The following DSG1 variants were observed in gnomAD, a reference collection of about 807,000 sequenced individuals.
DSG1 encodes the protein desmoglein 1.
DSG1 carries 39 observed loss-of-function variants against 97.5 expected under a neutral mutation model. The observed-to-expected ratio is 0.40, with a 90% CI of 0.31 to 0.52. DSG1 has a LOEUF of 0.52. DSG1 is among the 20% of genes least tolerant of loss of function. The probability of loss-of-function intolerance (pLI) is 0.53; values close to 1 mark genes in which losing one functional copy is unlikely to be tolerated. For synonymous variants in DSG1, 475 were observed against 443.4 expected (o/e 1.07, Z -0.90); for missense variants, 1,311 against 1,295.4 (o/e 1.01, Z -0.18).
In DSG1 at chr18:31,327,579, T is replaced by G. The variant is rs182514002; in HGVS notation, c.216+574T>G. On this transcript the variant is annotated intron_variant, in intron 3 of 14. Transcript: ENST00000257192. ...CTCACAAATACTCCCCACTAGGATT[T>G]GTTTACAGCCAAACAATATTTTATT... is the stretch of plus-strand genomic sequence containing the variant. 2.0e-5 allele frequency among the ~76,000 whole-genome samples: 3 copies of G among 152,286 alleles called. No homozygotes were observed. In the East Asian group the frequency reaches 5.8e-4, roughly 29 times the overall value.
In DSG1 at chr18:31,329,171, T is replaced by A. The variant is rs149323890; in HGVS notation, c.373-721T>A. On this transcript the variant is annotated intron_variant, in intron 4 of 14. Transcript: ENST00000257192. ...CTATAATTGCCACTTACTTGGAGAA[T>A]CATTCCATCACCTCTGTTTTCTGTC... 2.0e-5 allele frequency among the ~76,000 whole-genome samples: 3 copies of A among 152,260 alleles called. No homozygotes were observed. In the East Asian group the frequency reaches 5.8e-4, roughly 29 times the overall value.
At chr18:31,328,441 A>G (rs2071700220) in intron 4 of DSG1, 97 bp downstream of exon 4, 2 of 1,311,094 alleles carry the variant, frequency 1.5e-6, no homozygotes, top group Non-Finnish European at 2.2e-6. Context: ...AAGAGTCTCA[A>G]TATTTGGCAT....
rs765775679 is a variant in DSG1, at chr18:31,355,370, A to G, written c.*24A>G. On this transcript the variant is annotated 3_prime_UTR_variant, in exon 15 of 15. Coordinates refer to ENST00000257192, the MANE Select transcript of DSG1 (RefSeq NM_001942.4). ...AGTCAGGACCCCAGCTCACTTTTTC[A>G]TAGTCATTGTGGTTTAGATCCAATT... is the stretch of plus-strand genomic sequence containing the variant. 6.8e-6 allele frequency: 11 copies of G among 1,609,734 alleles called. No homozygotes were observed. Among genetic ancestry groups the G allele is most frequent in the South Asian group, 4.4e-5 (4 of 90,846 alleles).
At chr18:31,337,414 G>A (rs2071762915) in intron 9 of DSG1, among the ~76,000 whole-genome samples, 1 of 151,922 alleles carries the variant, frequency 6.6e-6, no homozygotes, top group Admixed American at 6.6e-5. Flanking sequence ...CTGCTACCAC[G>A]CCCAGCTATT....
In DSG1 at chr18:31,326,117, C is replaced by T. The variant is rs190335859; in HGVS notation, c.49-464C>T. Reference sequence around the variant, plus strand: ...TTATTTTCTGAATTATCTATTGTGGCAATTTTTTTAAAGTAGATACTTAGA... The same window carrying T: ...TTATTTTCTGAATTATCTATTGTGGTAATTTTTTTAAAGTAGATACTTAGA... On this transcript the variant is annotated intron_variant, in intron 1 of 14. Transcript: ENST00000257192. Among the ~76,000 whole-genome samples, 202 of 151,830 alleles carry T rather than the reference C, an allele frequency of 1.3e-3. 2 individuals carry two copies. Among genetic ancestry groups the T allele is most frequent in the African/African-American group, 4.5e-3 (188 of 41,480 alleles).
Position 31,354,982 on chromosome 18 carries a change from C to A in DSG1, c.2786C>A (p.Pro929Gln). ...NVVVTERVIQ[P>Q]TSGMIGSLSM... ...GTAGTGACAGAAAGAGTAATCCAAC[C>A]AACTTCCGGCATGATAGGTAGTCTG... Residue 929 changes from proline (P) to glutamine (Q), a missense_variant, in exon 15 of 15, where the codon CCA (proline) becomes CAA (glutamine). This residue lies in a region of DSG1 where 1,038 missense variants were observed against 964.6 expected (regional missense o/e 1.08). Transcript: ENST00000257192. 6.2e-7 allele frequency: 1 copy of A among 1,614,188 alleles called. No individual in the cohort carries two copies. The highest frequency in any genetic ancestry group is 8.5e-7 in the Non-Finnish European group (1 of 1,180,032).
intron 14 of DSG1, among the ~76,000 whole-genome samples, chr18:31,348,465 C>A (rs1273381746): frequency 1.3e-5 from 2 of 151,080 alleles, no homozygotes; most frequent in Admixed American, 6.6e-5. Context: ...ATGATTTATT[C>A]TCCTTTGGGT....
chr18:31,351,010 G>T (rs1224989255), intron 14 of DSG1, among the ~76,000 whole-genome samples: 2 of 149,804 alleles, frequency 1.3e-5, no homozygotes, highest in African/African-American at 5.1e-5. Context: ...CCTTCTGCTA[G>T]CTTTTGAATG....
chr18:31,350,892 A>C (rs1307263998), intron 14 of DSG1, among the ~76,000 whole-genome samples: 1 of 150,286 alleles, frequency 6.7e-6, no homozygotes. Flanking sequence ...GCAGTCTATC[A>C]ATTTTGTTGA....
rs759219015 is a variant in DSG1 at position 31,343,934 on chromosome 18, C to G, written c.1830C>G (p.Thr610=). ...TGTTTCCTGTCTTTTAGGATATAAC[C>G]ACTGTCATACCACAAATACCACCTG... ...EGPQPEPRDI[T]TVIPQIPPDN... is the part of the protein sequence containing the mutation. The change falls in exon 13 of 15, where the codon ACC becomes ACG. Residue 610 remains threonine (T), a synonymous_variant. Coordinates refer to ENST00000257192, the MANE Select transcript of DSG1 (RefSeq NM_001942.4). 1.5e-5 allele frequency: 24 copies of G among 1,611,720 alleles called. No homozygotes were observed. The highest frequency in any genetic ancestry group is 2.0e-5 in the Non-Finnish European group (23 of 1,178,236).
intron 1 of DSG1, among the ~76,000 whole-genome samples, chr18:31,323,933 C>G (rs1033933115): frequency 6.8e-5 from 10 of 147,650 alleles, no homozygotes; most frequent in Non-Finnish European, 1.3e-4. Context: ...CCTATTGTTT[C>G]TTTCGCCATT....
intron 1 of DSG1, 57 bp downstream of exon 1, chr18:31,318,405 A>G (rs2071633475): frequency 3.5e-6 from 5 of 1,442,328 alleles, no homozygotes; most frequent in Non-Finnish European, 4.9e-6. Flanking sequence ...ACAAGTGAAA[A>G]CTTTTTAGAA....
chr18:31,348,346 AT>A (rs2071861198), intron 14 of DSG1, among the ~76,000 whole-genome samples: 1 of 151,714 alleles, frequency 6.6e-6, no homozygotes, highest in South Asian at 2.1e-4. Flanking sequence ...TATGTGCCAC[AT>A]TTTCTTAATC....
chr18:31,336,220 G>A lies in DSG1; in HGVS notation c.1006-134G>A, dbSNP rs942942946. The A allele has an allele frequency of 5.6e-6, 4 of 717,450 alleles. No individual in the cohort carries two copies. In the African/African-American group the frequency reaches 7.2e-5, roughly 13 times the overall value. 44.4% of individuals were successfully genotyped at this position (717,450 alleles called of 1,614,324 possible). On this transcript the variant is annotated intron_variant, in intron 8 of 14. Transcript: ENST00000257192. ...ATTAAAGATTAAAAATTTAAGAATG[G>A]ATTGTGTATTTGTGTGCATTTGTGT... is the stretch of plus-strand genomic sequence containing the variant.
intron 6 of DSG1, among the ~76,000 whole-genome samples, chr18:31,332,152 G>A (rs1459444771): frequency 3.3e-5 from 5 of 151,918 alleles, no homozygotes. Context: ...TAGAATCTAA[G>A]GTAGAATCAA....
At chr18:31,327,386 A>G (rs1272335792) in intron 3 of DSG1, among the ~76,000 whole-genome samples, 12 of 152,086 alleles carry the variant, frequency 7.9e-5, no homozygotes, top group Admixed American at 7.9e-4. Context: ...TTGTTTGTTT[A>G]TTAACATTCA....
rs182835418 is a variant in DSG1, at chr18:31,356,150, A to G, written c.*804A>G. The G allele has an allele frequency of 5.3e-5, 8 of 152,300 alleles. No individual in the cohort carries two copies. Among genetic ancestry groups the G allele is most frequent in the African/African-American group, 1.7e-4 (7 of 41,562 alleles). The allele number at this position is 152,300 out of a possible 1,614,324, so 9.4% of individuals were successfully genotyped here. On this transcript the variant is annotated 3_prime_UTR_variant, in exon 15 of 15. Coordinates refer to ENST00000257192, the MANE Select transcript of DSG1 (RefSeq NM_001942.4). ...TATCACACTCGTCTTTCCCTTTACCACTGTGGTTTTGACTTAAGAAAGCAA... is the reference window on the plus strand; with the variant it reads ...TATCACACTCGTCTTTCCCTTTACCGCTGTGGTTTTGACTTAAGAAAGCAA...
chr18:31,333,802 G>C, intron 7 of DSG1, 79 bp downstream of exon 7: 1 of 1,539,014 alleles, frequency 6.5e-7, no homozygotes, highest in Admixed American at 1.7e-5. Context: ...GCTTACAGAG[G>C]CACATGTTAT....
chr18:31,356,016 T>C lies in DSG1; in HGVS notation c.*670T>C, dbSNP rs1025171280. On this transcript the variant is annotated 3_prime_UTR_variant, in exon 15 of 15. Coordinates refer to ENST00000257192, the MANE Select transcript of DSG1 (RefSeq NM_001942.4). ...CAATGCCTGAGCCTGAACCTTAATG[T>C]GGGGCCTCAGTTAAATCTCCTGTGG... 4 of 152,792 alleles carry C rather than the reference T, an allele frequency of 2.6e-5. No homozygotes were observed. The highest frequency in any genetic ancestry group is 5.8e-5 in the Non-Finnish European group (4 of 68,548). The allele number at this position is 152,792 out of a possible 1,614,324, so 9.5% of individuals were successfully genotyped here. A position where few individuals can be genotyped will look rare whatever the true frequency, so the allele number is the denominator to read the frequency against.
Sources: allele counts gnomAD v4.1 joint callset (sites outside exome capture counted in the v4.1 genomes callset), GRCh38; gene constraint gnomAD v4.1.1; regional missense constraint gnomAD v4.1.1; transcripts MANE v1.5; gene names NCBI Gene and HGNC (gene_info 2026-07-23, HGNC 2026-07-21).